SIPA1L2: variants seen among roughly 807,000 people sequenced by gnomAD.
SIPA1L2 encodes signal induced proliferation associated 1 like 2, also known as signal-induced proliferation-associated 1-like protein 2.
A neutral mutation model predicts 163.9 loss-of-function variants in SIPA1L2; 56 were observed. The ratio of observed to expected loss-of-function variants is 0.34; its 90% CI spans 0.28 to 0.43. The LOEUF (loss-of-function observed/expected upper bound fraction) is 0.43, where lower values mean the gene tolerates loss of function less well. SIPA1L2 is among the 20% of genes least tolerant of loss of function. The pLI is 1.00. For missense variants in SIPA1L2, 1,974 were observed against 2,193.5 expected, an observed-to-expected ratio of 0.90 and a Z score of 2.00; for synonymous variants, 877 against 865.7, an observed-to-expected ratio of 1.01 and a Z score of -0.23.
intron 10 of SIPA1L2, among the ~76,000 whole-genome samples, chr1:232,455,611 GCGGAGC>G (rs1663853356): frequency 1.4e-5 from 1 of 71,808 alleles, no homozygotes; most frequent in African/African-American, 6.8e-5. Flanking sequence ...AACCCGTGAG[GCGGAGC>G]TTGCAGCGAG....
At chr1:232,434,836 A>T (rs1194142031) in intron 15 of SIPA1L2, among the ~76,000 whole-genome samples, 1 of 151,980 alleles carries the variant, frequency 6.6e-6, no homozygotes, top group African/African-American at 2.4e-5. Context: ...AATTAGCTGC[A>T]AGCCTAAAGA....
intron 1 of SIPA1L2, among the ~76,000 whole-genome samples, chr1:232,613,234 G>T (rs1246065972): frequency 1.3e-5 from 2 of 152,148 alleles, no homozygotes; most frequent in Admixed American, 1.3e-4. Context: ...CTGACCTTCA[G>T]CTTATTCGTC....
chr1:232,598,608 C>T (rs1661411931), intron 1 of SIPA1L2, among the ~76,000 whole-genome samples: 1 of 152,130 alleles, frequency 6.6e-6, no homozygotes, highest in Non-Finnish European at 1.5e-5. Flanking sequence ...GGCTGGAAGT[C>T]CAAGATCAGG....
intron 2 of SIPA1L2, among the ~76,000 whole-genome samples, chr1:232,527,726 T>C (rs1667775215): frequency 1.4e-4 from 1 of 7,202 alleles, no homozygotes; most frequent in Admixed American, 1.6e-3. Context: ...CTTCTTCTTC[T>C]TTTTTTTTTT....
At chr1:232,548,827 C>T (rs115229086) in intron 2 of SIPA1L2, among the ~76,000 whole-genome samples, 227 of 152,188 alleles carry the variant, frequency 1.5e-3, no homozygotes, top group Middle Eastern at 6.8e-3. Flanking sequence ...AGGCAGGGGA[C>T]GCAGCCTACG....
chr1:232,583,830 G>A (rs2102810552), intron 1 of SIPA1L2, among the ~76,000 whole-genome samples: 1 of 151,668 alleles, frequency 6.6e-6, no homozygotes, highest in South Asian at 2.1e-4. Context: ...ACTGAAAGAT[G>A]CTGGGGCTCA....
At chr1:232,609,857 A>C (rs1459846457) in intron 1 of SIPA1L2, among the ~76,000 whole-genome samples, 1 of 151,888 alleles carries the variant, frequency 6.6e-6, no homozygotes. Context: ...AAAAAGAAAA[A>C]AGAAAAAAAA....
intron 1 of SIPA1L2, among the ~76,000 whole-genome samples, chr1:232,600,634 G>A (rs955026698): frequency 1.6e-4 from 24 of 152,166 alleles, no homozygotes; most frequent in African/African-American, 4.8e-4. Flanking sequence ...ATTAAGGAGC[G>A]TGCCTGTTGG....
At chr1:232,614,767 AG>A (rs1000001614) in intron 1 of SIPA1L2, among the ~76,000 whole-genome samples, 1 of 152,264 alleles carries the variant, frequency 6.6e-6, no homozygotes, top group Non-Finnish European at 1.5e-5. Flanking sequence ...AAAACCATTT[AG>A]CCTTTCCATC....
intron 2 of SIPA1L2, among the ~76,000 whole-genome samples, chr1:232,543,971 G>A (rs1260373608): frequency 1.3e-5 from 2 of 152,162 alleles, no homozygotes; most frequent in African/African-American, 4.8e-5. Flanking sequence ...GGGGGTTGGT[G>A]CCCCTAACTC....
chr1:232,401,263 C>A (rs1166567677), intron 22 of SIPA1L2, among the ~76,000 whole-genome samples: 1 of 152,212 alleles, frequency 6.6e-6, no homozygotes, highest in Non-Finnish European at 1.5e-5. Flanking sequence ...GAAACTTCCA[C>A]ATCCTAGAAA....
chr1:232,502,246 T>C (rs899844852), intron 3 of SIPA1L2, among the ~76,000 whole-genome samples: 4 of 152,164 alleles, frequency 2.6e-5, no homozygotes, highest in Non-Finnish European at 4.4e-5. Context: ...AGGGGTATTA[T>C]AGTTGACAGC....
intron 2 of SIPA1L2, among the ~76,000 whole-genome samples, chr1:232,542,300 G>T (rs554528834): frequency 1.3e-5 from 2 of 152,262 alleles, no homozygotes; most frequent in Admixed American, 6.5e-5. Context: ...GGGCACAATC[G>T]CCTGCATCTA....
At chr1:232,532,517 T>G (rs1558249884) in intron 2 of SIPA1L2, among the ~76,000 whole-genome samples, 1 of 152,216 alleles carries the variant, frequency 6.6e-6, no homozygotes, top group East Asian at 1.9e-4. Flanking sequence ...CTTCTTACTG[T>G]AAACTCAGCT....
intron 2 of SIPA1L2, among the ~76,000 whole-genome samples, chr1:232,539,764 G>C (rs757462362): frequency 2.6e-5 from 4 of 152,130 alleles, no homozygotes; most frequent in Non-Finnish European, 5.9e-5. Context: ...TTTCTACCAC[G>C]AGTCTGACGA....
At chr1:232,407,927 G>A (rs888423918) in intron 19 of SIPA1L2, among the ~76,000 whole-genome samples, 6 of 152,140 alleles carry the variant, frequency 3.9e-5, no homozygotes, top group African/African-American at 1.2e-4. Flanking sequence ...TTCACTGTTT[G>A]ACCCATAGCC....
intron 1 of SIPA1L2, among the ~76,000 whole-genome samples, chr1:232,622,739 T>A (rs1268063296): frequency 6.6e-6 from 1 of 152,174 alleles, no homozygotes. Flanking sequence ...CAGTTCCATA[T>A]CAGAGTTCAA....
intron 2 of SIPA1L2, among the ~76,000 whole-genome samples, chr1:232,528,349 C>G (rs7553520): frequency 0.92 from 139,706 of 152,004 alleles, 64,938 homozygotes; most frequent in African/African-American, 0.99. Flanking sequence ...ACTGTGTTTC[C>G]AGAGAATCAG....
At chr1:232,580,578 G>A (rs1660322149) in intron 1 of SIPA1L2, among the ~76,000 whole-genome samples, 1 of 152,196 alleles carries the variant, frequency 6.6e-6, no homozygotes, top group Non-Finnish European at 1.5e-5. Flanking sequence ...ACAGGTTATG[G>A]GAAGGGGAGG....
Sources: gnomAD v4.1 joint callset for allele counts (sites outside exome capture counted in the v4.1 genomes callset) on GRCh38, gnomAD v4.1.1 for gene constraint, MANE v1.5 for transcripts, NCBI Gene and HGNC (gene_info 2026-07-23, HGNC 2026-07-21) for gene names.